The following PARD3B variants were observed in gnomAD, a reference collection of about 807,000 sequenced individuals.
PARD3B encodes the protein par-3 family cell polarity regulator beta, also known as partitioning defective 3 homolog B.
A neutral mutation model predicts 130.2 loss-of-function variants in PARD3B; 103 were observed. The ratio of observed to expected loss-of-function variants is 0.79; its 90% CI spans 0.67 to 0.93. The LOEUF (loss-of-function observed/expected upper bound fraction) is 0.93. Among genes scored for constraint, PARD3B ranks in the 40% least tolerant of loss-of-function variants. The pLI is 0.00. For missense variants in PARD3B, 1,609 were observed against 1,499.2 expected (o/e 1.07, Z -1.21); for synonymous variants, 583 against 553.2 (o/e 1.05, Z -0.76).
intron 2 of PARD3B, among the ~76,000 whole-genome samples, chr2:204,738,639 A>G (rs1454361188): frequency 6.6e-6 from 1 of 152,076 alleles, no homozygotes; most frequent in Non-Finnish European, 1.5e-5. Flanking sequence ...TCTTTTATGG[A>G]GGCTTTGGGA....
chr2:204,681,889 G>A (rs2036852171), intron 1 of PARD3B, among the ~76,000 whole-genome samples: 1 of 152,160 alleles, frequency 6.6e-6, no homozygotes, highest in Non-Finnish European at 1.5e-5. Flanking sequence ...AATTTCTGGT[G>A]CTTCAAACTC....
rs2041643020 is a variant in PARD3B, at chr2:205,292,427, A to G, written c.2186-8103A>G. Among the ~76,000 whole-genome samples the G allele has an allele frequency of 5.3e-5, 8 of 152,240 alleles. No individual in the cohort carries two copies. In the South Asian group the frequency reaches 1.7e-3, roughly 32 times the overall value. Reference sequence around the variant, plus strand: ...GAACTGCGAGAAAATTCCATTGTTGATAAGCCACCCAGTCTATGGTATTTT... The same window carrying G: ...GAACTGCGAGAAAATTCCATTGTTGGTAAGCCACCCAGTCTATGGTATTTT... On this transcript the variant is annotated intron_variant, in intron 16 of 22. Transcript: ENST00000406610. This position sits in a 1 kb window ranked among gnomAD's most constrained non-coding sequence, Gnocchi z 5.3.
chr2:204,887,128 T>C lies in PARD3B; in HGVS notation c.223-78024T>C, dbSNP rs2046294808. On this transcript the variant is annotated intron_variant, in intron 2 of 22. Transcript: ENST00000406610. This position sits in a 1 kb window ranked among gnomAD's most constrained non-coding sequence, Gnocchi z 4.2. Reference sequence around the variant, plus strand: ...GAATCTCTTTGGTTCCTTTGTTTTTTATTTAGGGAAGTTATCTGTTCAATT... The same window carrying C: ...GAATCTCTTTGGTTCCTTTGTTTTTCATTTAGGGAAGTTATCTGTTCAATT... Among the ~76,000 whole-genome samples the C allele has an allele frequency of 2.0e-5, 3 of 152,224 alleles. No individual in the cohort carries two copies. The South Asian group carries it at 6.2e-4, about 32-fold the overall frequency.
At position 204,814,661 on chromosome 2, in the gene PARD3B, T is replaced by G. The variant is rs376185010; in HGVS notation, c.222+128379T>G. On this transcript the variant is annotated intron_variant, in intron 2 of 22. Transcript: ENST00000406610. ...GTTTCTGATGTTAGGGTGAAAACAT[T>G]CAATATTTCACCGTTGAGTAAAATA... Among the ~76,000 whole-genome samples, 19 of 151,928 alleles carry G rather than the reference T, an allele frequency of 1.3e-4. 3 individuals carry two copies. Among genetic ancestry groups the G allele is most frequent in the Admixed American group, 9.8e-4 (15 of 15,246 alleles).
chr2:205,161,164 G>A (rs1258520295), intron 11 of PARD3B, among the ~76,000 whole-genome samples: 3 of 152,096 alleles, frequency 2.0e-5, no homozygotes, highest in South Asian at 4.1e-4. Context: ...GCTTTTTTAT[G>A]GGCAATAACT....
chr2:205,178,126 C>T (rs577715941), intron 13 of PARD3B, among the ~76,000 whole-genome samples: 92 of 89,644 alleles, frequency 1.0e-3, no homozygotes, highest in Admixed American at 3.3e-3. Flanking sequence ...CCCAACATGG[C>T]AAAATCCCAT....
At chr2:205,467,456 C>A (rs1450668420) in intron 20 of PARD3B, among the ~76,000 whole-genome samples, 1 of 152,122 alleles carries the variant, frequency 6.6e-6, no homozygotes, top group African/African-American at 2.4e-5. Context: ...ATAATACAAA[C>A]CACATATGTA....
intron 20 of PARD3B, among the ~76,000 whole-genome samples, chr2:205,480,936 T>G (rs2049211281): frequency 6.6e-6 from 1 of 152,072 alleles, no homozygotes; most frequent in African/African-American, 2.4e-5. Context: ...GCAGAGTGTT[T>G]TAGGTGGAAG....
At chr2:204,981,566 C>G (rs921729774) in intron 3 of PARD3B, among the ~76,000 whole-genome samples, 2 of 152,118 alleles carry the variant, frequency 1.3e-5, no homozygotes, top group African/African-American at 4.8e-5. Context: ...ATGCATTAAG[C>G]AAATATTTAT....
rs866192503 is a variant in PARD3B, at chr2:204,719,625, G to A, written c.222+33343G>A. Among the ~76,000 whole-genome samples, 157 of 151,924 alleles carry A rather than the reference G, an allele frequency of 1.0e-3. 1 individual carries two copies. The highest frequency in any genetic ancestry group is 3.5e-3 in the African/African-American group (143 of 41,426). ...TAGTTCTTGCATGTTACCAAACTTT[G>A]GTTTTCCTTGAAATATTTTAATGTA... On this transcript the variant is annotated intron_variant, in intron 2 of 22. Transcript: ENST00000406610.
intron 2 of PARD3B, among the ~76,000 whole-genome samples, chr2:204,765,220 A>T (rs1443800281): frequency 2.0e-5 from 3 of 152,228 alleles, no homozygotes; most frequent in African/African-American, 7.2e-5. Context: ...CCAGACCAGC[A>T]TCAGTATCAC....
In PARD3B at chr2:205,615,436, GTC is replaced by G. The variant is rs760531053; in HGVS notation, c.3261-16_3261-15del. Reference sequence around the variant, plus strand: ...GCCAGCTTAGGAGCTGCTAACATGTGTCTCTTCTTCTCTTTCCAGGGGAGGAC... The same window carrying G: ...GCCAGCTTAGGAGCTGCTAACATGTGTCTTCTTCTCTTTCCAGGGGAGGAC... On this transcript the variant is annotated intron_variant, in intron 22 of 22. Transcript: ENST00000406610. The G allele has an allele frequency of 3.8e-6, 6 of 1,559,380 alleles. No homozygotes were observed. Among genetic ancestry groups the G allele is most frequent in the Non-Finnish European group, 5.2e-6 (6 of 1,152,550 alleles).
At position 205,395,994 on chromosome 2, in the gene PARD3B, A is replaced by G. The variant is rs187297246; in HGVS notation, c.2631-5019A>G. The stretch of plus-strand genomic sequence containing the variant: ...CACACCTGTCCCCATTGGCTTTTCC[A>G]TCTGCATCCTGGCGGAGTTTCCTCT... On this transcript the variant is annotated intron_variant, in intron 18 of 22. Coordinates refer to ENST00000406610, the MANE Select transcript of PARD3B (RefSeq NM_001302769.2). Among the ~76,000 whole-genome samples, 752 of 152,172 alleles carry G rather than the reference A, an allele frequency of 4.9e-3. 6 individuals carry two copies. Among genetic ancestry groups the G allele is most frequent in the Non-Finnish European group, 4.1e-3 (276 of 68,010 alleles).
At chr2:204,936,760 A>G (rs1262728065) in intron 2 of PARD3B, among the ~76,000 whole-genome samples, 2 of 152,218 alleles carry the variant, frequency 1.3e-5, no homozygotes, top group Non-Finnish European at 2.9e-5. Context: ...AATGTTAACC[A>G]TGATTAACTG....
At position 205,054,397 on chromosome 2, in the gene PARD3B, A is replaced by T. The variant is rs1401336654; in HGVS notation, c.504+6707A>T. On this transcript the variant is annotated intron_variant, in intron 4 of 22. Transcript: ENST00000406610. Reference sequence around the variant, plus strand: ...CAGAAATTAACAAGGTAACCATGACATGTCTTTTATATATATATATATATA... The same window carrying T: ...CAGAAATTAACAAGGTAACCATGACTTGTCTTTTATATATATATATATATA... Among the ~76,000 whole-genome samples, 47 of 77,146 alleles carry T rather than the reference A, an allele frequency of 6.1e-4. 1 individual carries two copies. The highest frequency in any genetic ancestry group is 0.026 in the Middle Eastern group (2 of 78). 50.6% of individuals were successfully genotyped at this position (77,146 alleles called of 152,430 possible). A position where few individuals can be genotyped will look rare whatever the true frequency, so the allele number is the denominator to read the frequency against.
At chr2:204,668,594 ATC>A (rs1468541072) in intron 1 of PARD3B, among the ~76,000 whole-genome samples, 1 of 152,144 alleles carries the variant, frequency 6.6e-6, no homozygotes, top group Non-Finnish European at 1.5e-5. Context: ...TTCCAAATAC[ATC>A]TCTGAGGTAA....
chr2:205,614,019 T>C lies in PARD3B; in HGVS notation c.3261-1437T>C, dbSNP rs185300770. On this transcript the variant is annotated intron_variant, in intron 22 of 22. Transcript: ENST00000406610. ...AATTATTGTTGTTGTTTTTCTTTTT[T>C]AAAAATTATAAAAGGGGGAGTGGCA... Among the ~76,000 whole-genome samples, 204 of 152,304 alleles carry C rather than the reference T, an allele frequency of 1.3e-3. 1 individual carries two copies. The highest frequency in any genetic ancestry group is 2.5e-3 in the Non-Finnish European group (168 of 68,032).
At chr2:205,167,738 A>G (rs931447269) in intron 11 of PARD3B, among the ~76,000 whole-genome samples, 4 of 152,206 alleles carry the variant, frequency 2.6e-5, no homozygotes, top group Non-Finnish European at 4.4e-5. Flanking sequence ...TAAAGGATTC[A>G]TGTCATTAAC....
At chr2:204,622,543 T>C (rs1307689573) in intron 1 of PARD3B, among the ~76,000 whole-genome samples, 1 of 152,132 alleles carries the variant, frequency 6.6e-6, no homozygotes, top group Non-Finnish European at 1.5e-5. Flanking sequence ...CTATTAATCA[T>C]TGGAGTATTA....
Sources: gnomAD v4.1 joint callset for allele counts (sites outside exome capture counted in the v4.1 genomes callset) on GRCh38, gnomAD v4.1.1 for gene constraint, Gnocchi (gnomAD v3.1) non-coding constraint, MANE v1.5 for transcripts, NCBI Gene and HGNC (gene_info 2026-07-23, HGNC 2026-07-21) for gene names.